ROBO2: variants seen among roughly 807,000 people sequenced by gnomAD.
ROBO2 encodes roundabout homolog 2.
ROBO2 carries 53 observed loss-of-function variants against 160.8 expected under a neutral mutation model. That is an observed-to-expected ratio of 0.33 (90% CI 0.26 to 0.41). The LOEUF (loss-of-function observed/expected upper bound fraction) is 0.41, where lower values mean the gene tolerates loss of function less well. ROBO2 is among the 10% of genes least tolerant of loss of function. The probability of loss-of-function intolerance (pLI) is 1.00; values close to 1 mark genes in which losing one functional copy is unlikely to be tolerated. For synonymous variants in ROBO2, 664 were observed against 611.7 expected (o/e 1.09, Z -1.26); for missense variants, 1,577 against 1,722.4 (o/e 0.92, Z 1.49).
chr3:77,388,145 C>T (rs1312539427), intron 2 of ROBO2, among the ~76,000 whole-genome samples: 1 of 135,510 alleles, frequency 7.4e-6, no homozygotes, highest in East Asian at 2.1e-4. Context: ...CACACATACA[C>T]ACACACACAC....
chr3:77,126,373 G>A (rs1347233043), intron 2 of ROBO2, among the ~76,000 whole-genome samples: 3 of 152,154 alleles, frequency 2.0e-5, no homozygotes, highest in Admixed American at 2.0e-4. Context: ...TCCACAATTG[G>A]CCTACTTAAA....
At chr3:76,144,809 C>T (rs2071821793) in intron 2 of ROBO2, among the ~76,000 whole-genome samples, 2 of 151,866 alleles carry the variant, frequency 1.3e-5, no homozygotes, top group Non-Finnish European at 2.9e-5. Context: ...ATTGAATGTA[C>T]ATACATTTTC....
At chr3:76,000,169 C>T (rs1240288241) in intron 2 of ROBO2, among the ~76,000 whole-genome samples, 4 of 152,024 alleles carry the variant, frequency 2.6e-5, no homozygotes, top group Admixed American at 2.6e-4. Context: ...TCTTGATACT[C>T]TAGTCATAAT....
intron 2 of ROBO2, among the ~76,000 whole-genome samples, chr3:77,473,607 C>G (rs1384476043): frequency 2.0e-5 from 3 of 151,858 alleles, no homozygotes; most frequent in Non-Finnish European, 4.4e-5. Flanking sequence ...GCACCCGCCA[C>G]TGCGCCAGGC....
At chr3:76,629,948 C>G (rs1327430504) in intron 2 of ROBO2, among the ~76,000 whole-genome samples, 2 of 152,108 alleles carry the variant, frequency 1.3e-5, no homozygotes, top group African/African-American at 2.4e-5. Context: ...TGCTGTGCCT[C>G]CATTCTGTGT....
At chr3:75,927,013 T>C (rs1947318939) in intron 1 of ROBO2, among the ~76,000 whole-genome samples, 1 of 152,160 alleles carries the variant, frequency 6.6e-6, no homozygotes, top group Non-Finnish European at 1.5e-5. Flanking sequence ...ATCATTTGAG[T>C]ACGCTCTCTC....
At chr3:77,341,104 A>C (rs1028080531) in intron 2 of ROBO2, among the ~76,000 whole-genome samples, 2 of 152,184 alleles carry the variant, frequency 1.3e-5, no homozygotes, top group South Asian at 2.1e-4. Flanking sequence ...AGCCATGCTT[A>C]TCACTTTACA....
At chr3:77,526,917 T>A (rs955235786) in intron 6 of ROBO2, among the ~76,000 whole-genome samples, 1 of 151,516 alleles carries the variant, frequency 6.6e-6, no homozygotes, top group African/African-American at 2.4e-5. Flanking sequence ...CTCAACTTAT[T>A]ACTGACTGAA....
chr3:77,370,784 G>C (rs1434479511), intron 2 of ROBO2, among the ~76,000 whole-genome samples: 2 of 152,148 alleles, frequency 1.3e-5, no homozygotes, highest in Non-Finnish European at 2.9e-5. Flanking sequence ...TCAGAACACA[G>C]CCACACTCAC....
chr3:77,582,049 T>C (rs2093932257), intron 16 of ROBO2, among the ~76,000 whole-genome samples: 1 of 152,234 alleles, frequency 6.6e-6, no homozygotes, highest in Non-Finnish European at 1.5e-5. Context: ...GATATTAGCA[T>C]AGCTACATCA....
At chr3:76,396,635 A>C (rs557322506) in intron 2 of ROBO2, among the ~76,000 whole-genome samples, 81 of 152,148 alleles carry the variant, frequency 5.3e-4, no homozygotes, top group African/African-American at 1.6e-3. Context: ...TCTCAGGATA[A>C]AAAATCAATG....
intron 2 of ROBO2, among the ~76,000 whole-genome samples, chr3:77,246,185 A>T (rs1236966519): frequency 1.3e-5 from 2 of 152,182 alleles, no homozygotes; most frequent in Non-Finnish European, 2.9e-5. Flanking sequence ...GAAAAGGAAT[A>T]GTAAATCTAA....
chr3:76,743,834 G>A (rs1237044231), intron 2 of ROBO2, among the ~76,000 whole-genome samples: 3 of 151,920 alleles, frequency 2.0e-5, no homozygotes, highest in Non-Finnish European at 4.4e-5. Context: ...GGAAAACCAG[G>A]AGGCAAACCT....
Position 77,011,054 on chromosome 3 carries a change from C to CTTTCTTTCT in ROBO2, c.110-86958_110-86957insTCTTTCTTT, listed in dbSNP as rs367569139. On this transcript the variant is annotated intron_variant, in intron 2 of 26. Coordinates refer to the ROBO2 transcript ENST00000487694. Reference sequence around the variant, plus strand: ...GTTCTTTCTTTTCTTTTCTTTCTTTCTTCTTTCTTTCTTTCTTTCTTTCTT... The same window carrying CTTTCTTTCT: ...GTTCTTTCTTTTCTTTTCTTTCTTTCTTTCTTTCTTTCTTTCTTTCTTTCTTTCTTTCTT... 4.7e-4 allele frequency among the ~76,000 whole-genome samples: 50 copies of CTTTCTTTCT among 106,816 alleles called. No homozygotes were observed. The East Asian group carries it at 0.01, about 22-fold the overall frequency. 70.1% of individuals were successfully genotyped at this position (106,816 alleles called of 152,430 possible). A position where few individuals can be genotyped will look rare whatever the true frequency, so the allele number is the denominator to read the frequency against.
At chr3:77,095,766 G>T (rs981863416) in intron 1 of ROBO2, among the ~76,000 whole-genome samples, 4 of 152,050 alleles carry the variant, frequency 2.6e-5, no homozygotes, top group African/African-American at 7.2e-5. Context: ...ATACTTTGGG[G>T]TCTTTCTTGA....
At chr3:77,539,120 A>C (rs866309892) in intron 6 of ROBO2, among the ~76,000 whole-genome samples, 8 of 152,084 alleles carry the variant, frequency 5.3e-5, no homozygotes, top group Middle Eastern at 3.2e-3. Flanking sequence ...AGGTTTCACC[A>C]TGTTGCCCAG....
chr3:77,038,073 T>C (rs1474793014), upstream of ROBO2, among the ~76,000 whole-genome samples: 2 of 152,226 alleles, frequency 1.3e-5, no homozygotes, highest in African/African-American at 2.4e-5. Context: ...TTTCCAGAGA[T>C]AAAAGAGATG....
At position 77,167,038 on chromosome 3, in the gene ROBO2, A is replaced by G. The variant is rs367845362; in HGVS notation, c.388+68698A>G. Among the ~76,000 whole-genome samples, 6 of 152,328 alleles carry G rather than the reference A, an allele frequency of 3.9e-5. No individual in the cohort carries two copies. In the East Asian group the frequency reaches 1.2e-3, roughly 29 times the overall value. Reference sequence around the variant, plus strand: ...CCGTAGGAGGTACCAAATGGTGATAAGTTCATTATACTATCAGTTTAAAAT... The same window carrying G: ...CCGTAGGAGGTACCAAATGGTGATAGGTTCATTATACTATCAGTTTAAAAT... On this transcript the variant is annotated intron_variant, in intron 2 of 25. Coordinates refer to ENST00000461745, the Ensembl canonical transcript of ROBO2.
At chr3:76,296,300 C>A (rs1169309401) in intron 2 of ROBO2, among the ~76,000 whole-genome samples, 4 of 152,244 alleles carry the variant, frequency 2.6e-5, no homozygotes, top group Non-Finnish European at 4.4e-5. Context: ...TTTCAGACCT[C>A]TGGCCTCCAG....
Sources: gnomAD v4.1 joint callset for allele counts (sites outside exome capture counted in the v4.1 genomes callset) on GRCh38, gnomAD v4.1.1 for gene constraint, MANE v1.5 for transcripts, NCBI Gene and HGNC (gene_info 2026-07-23, HGNC 2026-07-21) for gene names.